Variants in CCDC102B observed in about 807,000 individuals in gnomAD.
CCDC102B encodes coiled-coil domain-containing protein 102B.
CCDC102B carries 75 observed loss-of-function variants against 57.4 expected under a neutral mutation model. The observed-to-expected ratio is 1.31, with a 90% CI of 1.08 to 1.58. CCDC102B has a LOEUF of 1.58. CCDC102B is among the 40% of genes most tolerant of loss of function. CCDC102B has a pLI of 0.00. For synonymous variants in CCDC102B, 206 were observed against 201.9 expected, an observed-to-expected ratio of 1.02 and a Z score of -0.17; for missense variants, 636 against 582.6, an observed-to-expected ratio of 1.09 and a Z score of -0.94.
Position 68,837,129 on chromosome 18 carries a change from A to G in CCDC102B, c.366A>G (p.Gln122=). The G allele has an allele frequency of 6.2e-7, 1 of 1,614,118 alleles. No homozygotes were observed. The highest frequency in any genetic ancestry group is 8.5e-7 in the Non-Finnish European group (1 of 1,180,022). ...ACAGTGCCAGGGAGGAAGGAAGACA[A>G]CTCAGAATAAAACTAGAGATGGCGA... ...ERNSAREEGR[Q]LRIKLEMAMK... The change falls in exon 2 of 8, where the codon CAA becomes CAG. Residue 122 remains glutamine, a synonymous_variant. Transcript: ENST00000360242.
At chr18:69,055,613 ATTAGGGTTCCCC>A (rs2052803020), downstream of CCDC102B, among the ~76,000 whole-genome samples, 3 of 152,066 alleles carry the variant, frequency 2.0e-5, no homozygotes. Context: ...GAAGCTAAAT[ATTAGGGTTCCCC>A]TTGCCTGACC....
intron 6 of CCDC102B, among the ~76,000 whole-genome samples, chr18:68,967,449 T>A (rs1054922804): frequency 3.5e-5 from 5 of 144,918 alleles, no homozygotes; most frequent in African/African-American, 1.3e-4. Context: ...ATTTAATAAA[T>A]TGGTAAAAAA....
At chr18:68,870,719 G>A (rs978878469) in intron 4 of CCDC102B, among the ~76,000 whole-genome samples, 1 of 152,122 alleles carries the variant, frequency 6.6e-6, no homozygotes, top group African/African-American at 2.4e-5. Context: ...GGTAGATTTG[G>A]TGTTCGGGGA....
chr18:68,719,802 G>C (rs952831943), intron 2 of CCDC102B, among the ~76,000 whole-genome samples: 1 of 152,116 alleles, frequency 6.6e-6, no homozygotes, highest in Non-Finnish European at 1.5e-5. Context: ...TCAAAAAATA[G>C]GGAACACTCA....
intron 4 of CCDC102B, among the ~76,000 whole-genome samples, chr18:68,874,243 A>G (rs989647801): frequency 1.4e-5 from 2 of 145,956 alleles, no homozygotes; most frequent in African/African-American, 5.1e-5. Context: ...CCATTGCCCA[A>G]GTTTGTCTCT....
chr18:68,877,178 T>C (rs945960815), intron 5 of CCDC102B, among the ~76,000 whole-genome samples: 1 of 152,230 alleles, frequency 6.6e-6, no homozygotes, highest in African/African-American at 2.4e-5. Context: ...CTGAGGTTTA[T>C]TGCCTCCTTT....
chr18:68,897,342 C>G lies in CCDC102B; in HGVS notation c.1177C>G (p.Leu393Val). The G allele has an allele frequency of 6.2e-7, 1 of 1,613,038 alleles. No homozygotes were observed. The highest frequency in any genetic ancestry group is 1.1e-5 in the South Asian group (1 of 91,042). Residue 393 changes from leucine (L) to valine (V), a missense_variant, in exon 6 of 8, where the codon CTT becomes GTT. Coordinates refer to ENST00000360242, the MANE Select transcript of CCDC102B (RefSeq NM_024781.3). ...GATCCAGGTGAAAGAAATGGAAGAG[C>G]TTTTGGATAAGAAAAATAGATTAAG... Reference protein sequence around the residue: ...LKIQVKEMEELLDKKNRLSAN... With the variant: ...LKIQVKEMEEVLDKKNRLSAN...
intron 6 of CCDC102B, among the ~76,000 whole-genome samples, chr18:68,954,902 T>C (rs967276894): frequency 6.6e-6 from 1 of 152,172 alleles, no homozygotes; most frequent in Non-Finnish European, 1.5e-5. Flanking sequence ...AACCCTTGAG[T>C]ACAATAACAT....
At chr18:68,886,919 A>G (rs1490842701) in intron 5 of CCDC102B, among the ~76,000 whole-genome samples, 1 of 152,074 alleles carries the variant, frequency 6.6e-6, no homozygotes, top group Non-Finnish European at 1.5e-5. Context: ...CATTTTCTTG[A>G]CATTTAGAGT....
chr18:68,871,408 CT>C (rs77484891), intron 4 of CCDC102B, among the ~76,000 whole-genome samples: 48,185 of 151,890 alleles, frequency 0.32, 8,993 homozygotes, highest in East Asian at 0.62. Flanking sequence ...AATTTTTCAG[CT>C]GCTAAATAGA....
intron 5 of CCDC102B, among the ~76,000 whole-genome samples, chr18:68,882,331 A>C (rs1420367013): frequency 6.6e-6 from 1 of 152,208 alleles, no homozygotes; most frequent in Non-Finnish European, 1.5e-5. Flanking sequence ...TCTCCTAAGG[A>C]AGTCTTTGAT....
Position 68,921,245 on chromosome 18 carries a change from G to A in CCDC102B, c.1263+23817G>A, listed in dbSNP as rs141569403. ...GTGTGGTGGGAGGGACCCAGTAGGA[G>A]GTAATTGAATCACGGAGGCAAGTCT... On this transcript the variant is annotated intron_variant, in intron 6 of 7. Transcript: ENST00000360242. 1.6e-3 allele frequency among the ~76,000 whole-genome samples: 246 copies of A among 152,274 alleles called. 4 individuals are homozygous for A. Among genetic ancestry groups the A allele is most frequent in the Admixed American group, 0.013 (203 of 15,298 alleles).
At chr18:69,045,978 G>A (rs1029906464) in intron 7 of CCDC102B, among the ~76,000 whole-genome samples, 11 of 152,090 alleles carry the variant, frequency 7.2e-5, no homozygotes, top group African/African-American at 2.7e-4. Flanking sequence ...TGGTGTACGT[G>A]TACCACATTT....
intron 7 of CCDC102B, among the ~76,000 whole-genome samples, chr18:69,015,409 A>G (rs1305221701): frequency 1.3e-5 from 2 of 152,210 alleles, no homozygotes; most frequent in South Asian, 4.1e-4. Flanking sequence ...AGGAAAAACA[A>G]TCTTAATCAT....
chr18:68,745,018 G>A (rs984441592), intron 2 of CCDC102B, among the ~76,000 whole-genome samples: 7 of 152,152 alleles, frequency 4.6e-5, no homozygotes, highest in Non-Finnish European at 1.0e-4. Context: ...AGAGCTAGGA[G>A]AATGCAAAGC....
chr18:68,801,759 A>C (rs1245560185), intron 1 of CCDC102B, among the ~76,000 whole-genome samples: 1 of 152,170 alleles, frequency 6.6e-6, no homozygotes, highest in Non-Finnish European at 1.5e-5. Context: ...TGCATGAAGA[A>C]AAACCTGTAG....
intron 6 of CCDC102B, among the ~76,000 whole-genome samples, chr18:68,954,073 A>T (rs987651574): frequency 2.0e-5 from 3 of 152,094 alleles, no homozygotes; most frequent in African/African-American, 7.2e-5. Context: ...TTTTTAAAGA[A>T]TAATATCTAA....
At chr18:68,851,137 G>A (rs1040877865) in intron 4 of CCDC102B, among the ~76,000 whole-genome samples, 1 of 152,124 alleles carries the variant, frequency 6.6e-6, no homozygotes, top group African/African-American at 2.4e-5. Flanking sequence ...AATGAATGAA[G>A]CACTGTACTA....
At chr18:68,790,631 G>A (rs2035419752) in intron 2 of CCDC102B, among the ~76,000 whole-genome samples, 1 of 152,186 alleles carries the variant, frequency 6.6e-6, no homozygotes, top group Admixed American at 6.5e-5. Flanking sequence ...ACTCGGAAAG[G>A]GAACTCCCTG....
Sources: allele counts gnomAD v4.1 joint callset (sites outside exome capture counted in the v4.1 genomes callset), GRCh38; gene constraint gnomAD v4.1.1; transcripts MANE v1.5; gene names NCBI Gene and HGNC (gene_info 2026-07-23, HGNC 2026-07-21).